The following MALL variants were observed in gnomAD, a reference collection of about 807,000 sequenced individuals.
MALL encodes the protein MAL-like protein.
MALL carries 2 observed loss-of-function variants against 10.3 expected under a neutral mutation model. The ratio of observed to expected loss-of-function variants is 0.19; its 90% CI spans 0.08 to 0.61. The LOEUF (loss-of-function observed/expected upper bound fraction) is 0.61, where lower values mean the gene tolerates loss of function less well. Among genes scored for constraint, MALL ranks in the 20% least tolerant of loss-of-function variants. The pLI, the probability that MALL is intolerant of heterozygous loss-of-function variation, is 0.88. For synonymous variants in MALL, 27 were observed against 51.8 expected, an observed-to-expected ratio of 0.52 and a Z score of 2.05; for missense variants, 39 against 115.2, an observed-to-expected ratio of 0.34 and a Z score of 3.03.
chr2:110,116,818 A>G (rs1413145747), upstream of MALL, among the ~76,000 whole-genome samples: 1 of 152,182 alleles, frequency 6.6e-6, no homozygotes, highest in Non-Finnish European at 1.5e-5. Flanking sequence ...AGGATGCTCC[A>G]GGTTAGGGTC....
chr2:110,115,810 G>A lies in MALL; in HGVS notation c.-18C>T. 1.7e-6 allele frequency: 2 copies of A among 1,200,544 alleles called. No individual in the cohort carries two copies. The highest frequency in any genetic ancestry group is 2.1e-6 in the Non-Finnish European group (2 of 944,580). 74.4% of individuals were successfully genotyped at this position (1,200,544 alleles called of 1,614,324 possible). A position where few individuals can be genotyped will look rare whatever the true frequency, so the allele number is the denominator to read the frequency against. Reference sequence around the variant, plus strand: ...GAGGCCATGCTGTCAGCCCCTGCCGGGTGCTCCGCGGCAGCTCGCCCGCGC... The same window carrying A: ...GAGGCCATGCTGTCAGCCCCTGCCGAGTGCTCCGCGGCAGCTCGCCCGCGC... On this transcript the variant is annotated 5_prime_UTR_variant, in exon 1 of 4. Coordinates refer to ENST00000272462, the MANE Select transcript of MALL (RefSeq NM_005434.5).
rs199787615 is a variant in MALL, at chr2:110,098,293, C to G, written c.106-6523G>C. On this transcript the variant is annotated intron_variant, in intron 1 of 3. Transcript: ENST00000272462. Reference sequence around the variant, plus strand: ...TCAGTGGCATTCATGTTCATTCACACTGTTGTGCACCCATCACCACCATCC... The same window carrying G: ...TCAGTGGCATTCATGTTCATTCACAGTGTTGTGCACCCATCACCACCATCC... Among the ~76,000 whole-genome samples the G allele has an allele frequency of 1.8e-4, 27 of 152,114 alleles. No homozygotes were observed. The East Asian group carries it at 5.0e-3, about 28-fold the overall frequency.
intron 1 of MALL, among the ~76,000 whole-genome samples, chr2:110,103,338 C>T (rs868753193): frequency 6.6e-6 from 1 of 152,028 alleles, no homozygotes; most frequent in Non-Finnish European, 1.5e-5. Flanking sequence ...AGGCTGGTCT[C>T]TTCAGGAGGC....
chr2:110,107,967 GC>G (rs1179482508), intron 1 of MALL, among the ~76,000 whole-genome samples: 1 of 152,142 alleles, frequency 6.6e-6, no homozygotes, highest in Non-Finnish European at 1.5e-5. Context: ...CTCACAGGAA[GC>G]CACATCCATA....
At chr2:110,115,926 C>T (rs576038361), upstream of MALL, 57 of 408,142 alleles carry the variant, frequency 1.4e-4, no homozygotes, top group Non-Finnish European at 2.2e-4. Flanking sequence ...CCGAGCAGGT[C>T]CTTCCACTCG....
chr2:110,097,374 AC>A, intron 1 of MALL: 1 of 439,248 alleles, frequency 2.3e-6, no homozygotes, highest in Non-Finnish European at 4.5e-6. Context: ...GTTTAAACTA[AC>A]CCCAAACAAA....
Position 110,095,756 on chromosome 2 carries a change from G to A in MALL, c.106-3986C>T, listed in dbSNP as rs946911838. Reference sequence around the variant, plus strand: ...GTAAAAACACCCAGATTGGTGTCCAGGAAGAAAGGGCTGATACCAGGTTTG... The same window carrying A: ...GTAAAAACACCCAGATTGGTGTCCAAGAAGAAAGGGCTGATACCAGGTTTG... On this transcript the variant is annotated intron_variant, in intron 1 of 3. Coordinates refer to ENST00000272462, the MANE Select transcript of MALL (RefSeq NM_005434.5). Among the ~76,000 whole-genome samples the A allele has an allele frequency of 5.3e-5, 8 of 151,926 alleles. No homozygotes were observed. In the East Asian group the frequency reaches 1.5e-3, roughly 29 times the overall value.
intron 1 of MALL, among the ~76,000 whole-genome samples, chr2:110,099,328 A>G (rs2104383625): frequency 6.6e-6 from 1 of 152,264 alleles, no homozygotes; most frequent in African/African-American, 2.4e-5. Context: ...GAGCATGTCA[A>G]TGACTGTGAA....
intron 1 of MALL, among the ~76,000 whole-genome samples, chr2:110,096,716 C>T (rs1678448375): frequency 6.6e-6 from 1 of 150,860 alleles, no homozygotes. Context: ...TACCTACACA[C>T]ACACACACAC....
intron 1 of MALL, among the ~76,000 whole-genome samples, chr2:110,103,220 G>A (rs1266830488): frequency 2.0e-5 from 3 of 152,094 alleles, no homozygotes; most frequent in African/African-American, 7.2e-5. Context: ...GCTGTGGAAC[G>A]CGGTACAAGG....
chr2:110,104,048 G>A (rs775509220), intron 1 of MALL, among the ~76,000 whole-genome samples: 4 of 151,446 alleles, frequency 2.6e-5, no homozygotes, highest in Non-Finnish European at 3.0e-5. Flanking sequence ...TGTCTCTCCA[G>A]AATCAGCAGC....
chr2:110,103,633 T>C (rs1181517876), intron 1 of MALL, among the ~76,000 whole-genome samples: 5 of 152,148 alleles, frequency 3.3e-5, no homozygotes, highest in Non-Finnish European at 7.4e-5. Context: ...CTGGGTCCAG[T>C]GGGTCAGACT....
At chr2:110,107,465 A>G (rs2076937254) in intron 1 of MALL, among the ~76,000 whole-genome samples, 1 of 152,088 alleles carries the variant, frequency 6.6e-6, no homozygotes, top group African/African-American at 2.4e-5. Flanking sequence ...AGAAGCAGCC[A>G]TAATCTTCCT....
At chr2:110,108,067 G>C (rs1465807962) in intron 1 of MALL, among the ~76,000 whole-genome samples, 1 of 152,144 alleles carries the variant, frequency 6.6e-6, no homozygotes, top group African/African-American at 2.4e-5. Flanking sequence ...CACTCTGACA[G>C]AGCCTATGCA....
upstream of MALL, among the ~76,000 whole-genome samples, chr2:110,116,840 C>A (rs762566241): frequency 6.6e-6 from 1 of 152,172 alleles, no homozygotes; most frequent in Non-Finnish European, 1.5e-5. Flanking sequence ...CTTCTTCCTG[C>A]CCCCTGCTGC....
At position 110,115,680 on chromosome 2, in the gene MALL, G is replaced by T. The variant is rs17162304; in HGVS notation, c.105+8C>A. The T allele has an allele frequency of 4.4e-3, 5,630 of 1,269,800 alleles. 229 individuals are homozygous for T. The African/African-American group carries it at 0.076, about 17-fold the overall frequency. 78.7% of individuals were successfully genotyped at this position (1,269,800 alleles called of 1,614,324 possible). A position where few individuals can be genotyped will look rare whatever the true frequency, so the allele number is the denominator to read the frequency against. On this transcript the variant is annotated splice_region_variant and intron_variant, in intron 1 of 3. Coordinates refer to ENST00000272462, the MANE Select transcript of MALL (RefSeq NM_005434.5). ...GCAGGTGGCCCGGGTCGGGGGTGCC[G>T]CACTCACCAGCTCGGGCAGGAAGAA...
intron 1 of MALL, among the ~76,000 whole-genome samples, chr2:110,110,162 T>C (rs1333844920): frequency 6.6e-6 from 1 of 151,710 alleles, no homozygotes; most frequent in Non-Finnish European, 1.5e-5. Flanking sequence ...CTCAAGGAAC[T>C]AGAGAATCAA....
chr2:110,097,613 C>T (rs1419984460), intron 1 of MALL: 5 of 451,798 alleles, frequency 1.1e-5, no homozygotes, highest in Non-Finnish European at 1.8e-5. Context: ...CCCTGGGAAC[C>T]GTGAAGGATA....
intron 1 of MALL, chr2:110,097,591 T>C (rs1252920971): frequency 8.8e-6 from 4 of 455,534 alleles, no homozygotes; most frequent in South Asian, 6.2e-5. Context: ...AGACGCTGCC[T>C]GAGTAATGAT....
Sources: allele counts gnomAD v4.1 joint callset (sites outside exome capture counted in the v4.1 genomes callset), GRCh38; gene constraint gnomAD v4.1.1; transcripts MANE v1.5; gene names NCBI Gene and HGNC (gene_info 2026-07-23, HGNC 2026-07-21).